The following SIPA1L2 variants were observed in gnomAD, a reference collection of about 807,000 sequenced individuals.
SIPA1L2 encodes the protein signal induced proliferation associated 1 like 2.
Under a neutral mutation model 163.9 loss-of-function variants are expected in SIPA1L2, and 56 were observed. The observed-to-expected ratio is 0.34, with a 90% CI of 0.28 to 0.43. SIPA1L2 has a LOEUF of 0.43. SIPA1L2 is among the 20% of genes least tolerant of loss of function. The probability of loss-of-function intolerance (pLI) is 1.00; values close to 1 mark genes in which losing one functional copy is unlikely to be tolerated. For synonymous variants in SIPA1L2, 877 were observed against 865.7 expected (o/e 1.01, Z -0.23); for missense variants, 1,974 against 2,193.5 (o/e 0.90, Z 2.00).
intron 17 of SIPA1L2, among the ~76,000 whole-genome samples, chr1:232,426,646 C>T (rs1661924042): frequency 6.6e-6 from 1 of 151,566 alleles, no homozygotes; most frequent in Admixed American, 6.6e-5. Context: ...GGCAACAGAG[C>T]AAGACTCCGT....
chr1:232,600,674 C>G (rs1015668291), intron 1 of SIPA1L2, among the ~76,000 whole-genome samples: 2 of 152,144 alleles, frequency 1.3e-5, no homozygotes, highest in Admixed American at 1.3e-4. Context: ...TGTGATCTAG[C>G]TGGGGAACAA....
chr1:232,441,582 C>T (rs573240254), intron 13 of SIPA1L2, among the ~76,000 whole-genome samples, 186 bp downstream of exon 13: 38 of 152,270 alleles, frequency 2.5e-4, no homozygotes, highest in African/African-American at 9.1e-4. Context: ...TCACTTTCTG[C>T]AGGTGCCACA....
At chr1:232,570,945 T>TAAAAAAAAAAAAAA (rs11300623) in intron 2 of SIPA1L2, among the ~76,000 whole-genome samples, 1 of 76,792 alleles carries the variant, frequency 1.3e-5, no homozygotes, top group Admixed American at 1.2e-4. Flanking sequence ...CCAGAAACTA[T>TAAAAAAAAAAAAAA]AAAAAAAAAA....
chr1:232,620,355 C>T (rs902936329), intron 1 of SIPA1L2, among the ~76,000 whole-genome samples: 2 of 152,202 alleles, frequency 1.3e-5, no homozygotes, highest in African/African-American at 4.8e-5. Context: ...CTTCTCTCCA[C>T]CTTCCTCAAC....
At chr1:232,416,908 T>C (rs150636785) in intron 18 of SIPA1L2, among the ~76,000 whole-genome samples, 312 of 152,270 alleles carry the variant, frequency 2.0e-3, no homozygotes, top group African/African-American at 7.0e-3. Context: ...TTTATGTCAT[T>C]AATAATACTC....
chr1:232,455,410 C>T (rs911564519), intron 10 of SIPA1L2, among the ~76,000 whole-genome samples: 2 of 152,078 alleles, frequency 1.3e-5, no homozygotes, highest in South Asian at 2.1e-4. Context: ...GGCCGGGTGC[C>T]GTGGCTCACG....
intron 1 of SIPA1L2, among the ~76,000 whole-genome samples, chr1:232,582,690 T>A (rs889589227): frequency 4.6e-5 from 7 of 152,122 alleles, no homozygotes; most frequent in Non-Finnish European, 8.8e-5. Context: ...AATTGCTGGG[T>A]CGAATGGTAG....
chr1:232,474,445 A>G (rs967589634), intron 7 of SIPA1L2, among the ~76,000 whole-genome samples: 1 of 152,216 alleles, frequency 6.6e-6, no homozygotes, highest in Non-Finnish European at 1.5e-5. Context: ...ATATGGCCGT[A>G]GGTTTAGCCT....
intron 10 of SIPA1L2, among the ~76,000 whole-genome samples, chr1:232,454,414 C>T (rs997130707): frequency 6.6e-6 from 1 of 152,210 alleles, no homozygotes; most frequent in Non-Finnish European, 1.5e-5. Context: ...TTTGTATCCC[C>T]AGTACCTGGC....
chr1:232,545,231 G>A lies in SIPA1L2; in HGVS notation c.-270+28943C>T, dbSNP rs188922154. Among the ~76,000 whole-genome samples, 447 of 152,302 alleles carry A rather than the reference G, an allele frequency of 2.9e-3. 7 individuals are homozygous for A. Among genetic ancestry groups the A allele is most frequent in the African/African-American group, 0.01 (430 of 41,556 alleles). ...TACAAGGTTCCCTGTAGCATAGCAC[G>A]GAAAAAGCACAGCCTTCACATGGAC... On this transcript the variant is annotated intron_variant, in intron 2 of 22. Transcript: ENST00000674635.
intron 7 of SIPA1L2, among the ~76,000 whole-genome samples, chr1:232,477,596 G>C: frequency 6.6e-6 from 1 of 152,124 alleles, no homozygotes; most frequent in East Asian, 1.9e-4. Context: ...TTTCCAGTTG[G>C]GGAAGTTTAA....
chr1:232,415,611 A>T lies in SIPA1L2; in HGVS notation c.4645T>A (p.Ser1549Thr), dbSNP rs948674828. 1 of 1,613,942 alleles carries T rather than the reference A, an allele frequency of 6.2e-7. No individual in the cohort carries two copies. Among genetic ancestry groups the T allele is most frequent in the Non-Finnish European group, 8.5e-7 (1 of 1,179,986 alleles). Reference protein sequence around the residue: ...MGSLRNEFWFSDGSLSDKSKC... With the variant: ...MGSLRNEFWFTDGSLSDKSKC... ...GACTTATCTGATAAGGACCCATCGGAGAACCAGAACTCATCTAAACAGAAA... is the reference window on the plus strand; with the variant it reads ...GACTTATCTGATAAGGACCCATCGGTGAACCAGAACTCATCTAAACAGAAA... Residue 1549 changes from serine to threonine, a missense_variant, in exon 19 of 23, where the codon TCC (serine) becomes ACC (threonine). Ser to Thr is a moderately conservative substitution (Grantham distance 58, BLOSUM62 1). This residue lies in a region of SIPA1L2 where 1,079 missense variants were observed against 1,150.7 expected (regional missense o/e 0.94). Coordinates refer to ENST00000674635, the MANE Select transcript of SIPA1L2 (RefSeq NM_020808.5).
chr1:232,457,360 T>C (rs2102907460), intron 10 of SIPA1L2, among the ~76,000 whole-genome samples: 1 of 152,332 alleles, frequency 6.6e-6, no homozygotes, highest in African/African-American at 2.4e-5. Context: ...GAAGCATTTT[T>C]CACAACATTT....
chr1:232,585,110 TC>T (rs1352397051), intron 1 of SIPA1L2, among the ~76,000 whole-genome samples: 23 of 152,352 alleles, frequency 1.5e-4, no homozygotes, highest in African/African-American at 5.3e-4. Flanking sequence ...AAAGCTAACT[TC>T]TGTAATAAAT....
rs987455494 is a variant in SIPA1L2, at chr1:232,483,943, C to T, written c.1830G>A (p.Gly610=). 9 of 1,611,992 alleles carry T rather than the reference C, an allele frequency of 5.6e-6. No individual in the cohort carries two copies. The highest frequency in any genetic ancestry group is 1.1e-5 in the South Asian group (1 of 90,364). The change falls in exon 6 of 23, where the codon GGG becomes GGA. Residue 610 remains glycine, a synonymous_variant. Transcript: ENST00000674635. ...TCTGGCCTGCTTTGCAATAAAGGAT[C>T]CCGATCTTGTGCTGAAAGCTCAGCT... The part of the protein sequence containing the change: ...EQGLSFQHKI[G]ILYCKAGQST...
rs202226489 is a variant in SIPA1L2, at chr1:232,465,487, C to CAT, written c.2244-73_2244-72dup. ...ATAATATGTATCTTTCCGAATTTGA[C>CAT]ATATATATACACACACACACACATA... On this transcript the variant is annotated intron_variant, in intron 8 of 22. Transcript: ENST00000674635. This position sits in a 1 kb window ranked among gnomAD's most constrained non-coding sequence, Gnocchi z 4.1. 158 of 1,178,466 alleles carry CAT rather than the reference C, an allele frequency of 1.3e-4. No individual in the cohort carries two copies. In the African/African-American group the frequency reaches 2.1e-3, roughly 16 times the overall value. The allele number at this position is 1,178,466 out of a possible 1,614,324, so 73.0% of individuals were successfully genotyped here. A position where few individuals can be genotyped will look rare whatever the true frequency, so the allele number is the denominator to read the frequency against.
chr1:232,404,361 T>C (rs886685430), intron 19 of SIPA1L2, among the ~76,000 whole-genome samples, 183 bp from the exon 20 acceptor site: 5 of 152,164 alleles, frequency 3.3e-5, no homozygotes, highest in East Asian at 1.9e-4. Context: ...GTTTTCACTG[T>C]TGGTTGGAAG....
chr1:232,525,094 A>T (rs932134882), intron 2 of SIPA1L2, among the ~76,000 whole-genome samples: 1 of 152,102 alleles, frequency 6.6e-6, no homozygotes, highest in Non-Finnish European at 1.5e-5. Context: ...ACACTAAGAT[A>T]AAGAAGAAAA....
chr1:232,444,984 C>A (rs1663125873), intron 11 of SIPA1L2, among the ~76,000 whole-genome samples: 1 of 152,186 alleles, frequency 6.6e-6, no homozygotes, highest in South Asian at 2.1e-4. Flanking sequence ...CATCTGAAAA[C>A]CCTCACCAGC....
Sources: allele counts gnomAD v4.1 joint callset (sites outside exome capture counted in the v4.1 genomes callset), GRCh38; gene constraint gnomAD v4.1.1; regional missense constraint gnomAD v4.1.1; non-coding constraint Gnocchi (gnomAD v3.1); transcripts MANE v1.5; gene names NCBI Gene and HGNC (gene_info 2026-07-23, HGNC 2026-07-21).